The following RHOF variants were observed in gnomAD, a reference collection of about 807,000 sequenced individuals.
RHOF encodes rho-related GTP-binding protein RhoF.
Under a neutral mutation model 22.2 loss-of-function variants are expected in RHOF, and 21 were observed. The observed-to-expected ratio is 0.95, with a 90% CI of 0.67 to 1.36. RHOF has a LOEUF of 1.36. Among genes scored for constraint, RHOF ranks in the 40% most tolerant of loss-of-function variants. RHOF has a pLI of 0.00. For missense variants in RHOF, 285 were observed against 293.7 expected (o/e 0.97, Z 0.22); for synonymous variants, 135 against 131.2 (o/e 1.03, Z -0.20).
chr12:121,792,142 C>A (rs1874781779), intron 2 of RHOF, among the ~76,000 whole-genome samples: 1 of 133,110 alleles, frequency 7.5e-6, no homozygotes, highest in Admixed American at 7.0e-5. Context: ...CGGGTCCTCT[C>A]CAAGGTCTAG....
chr12:121,787,592 C>T (rs1874639665), intron 2 of RHOF, among the ~76,000 whole-genome samples: 1 of 152,182 alleles, frequency 6.6e-6, no homozygotes, highest in African/African-American at 2.4e-5. Flanking sequence ...TATCGACTCT[C>T]TTTCTCTCAT....
chr12:121,782,825 A>G (rs73413728), intron 2 of RHOF: 30,621 of 152,206 alleles, frequency 0.2, 3,499 homozygotes, highest in African/African-American at 0.31. Context: ...TGACTTAGAC[A>G]GGACAGTGGT....
At chr12:121,787,023 G>A (rs1448673386) in intron 2 of RHOF, among the ~76,000 whole-genome samples, 1 of 152,148 alleles carries the variant, frequency 6.6e-6, no homozygotes, top group Non-Finnish European at 1.5e-5. Flanking sequence ...GAGGAACACA[G>A]CGAGACTCTG....
rs751392749 is a variant in RHOF, at chr12:121,781,064, C to G, written c.336+19G>C. The G allele has an allele frequency of 1.2e-6, 2 of 1,613,962 alleles. No homozygotes were observed. Among genetic ancestry groups the G allele is most frequent in the Admixed American group, 3.3e-5 (2 of 60,028 alleles). ...GCCGGGCCCAGATGTGGGGCCACCA[C>G]CCAGGAGGCCGGCCTCACCTTGATG... On this transcript the variant is annotated intron_variant, in intron 3 of 4. Transcript: ENST00000267205.
intron 2 of RHOF, among the ~76,000 whole-genome samples, chr12:121,791,559 G>A (rs1384959587): frequency 2.0e-5 from 3 of 152,224 alleles, no homozygotes; most frequent in South Asian, 2.1e-4. Context: ...CTGTAGCAGG[G>A]GATGCTCCTC....
rs763578268 is a variant in RHOF, at chr12:121,781,078, C to G, written c.336+5G>C. On this transcript the variant is annotated splice_donor_5th_base_variant and intron_variant, in intron 3 of 4. Coordinates refer to ENST00000267205, the MANE Select transcript of RHOF (RefSeq NM_019034.3). ...TGGGGCCACCACCCAGGAGGCCGGC[C>G]TCACCTTGATGAGGACGTTGTCGTA... The G allele has an allele frequency of 6.2e-7, 1 of 1,614,186 alleles. No homozygotes were observed. Among genetic ancestry groups the G allele is most frequent in the African/African-American group, 1.3e-5 (1 of 75,068 alleles).
At chr12:121,793,392 G>A (rs1422220494) in intron 1 of RHOF, 104 bp downstream of exon 1, 2 of 1,479,782 alleles carry the variant, frequency 1.4e-6, no homozygotes, top group Non-Finnish European at 1.8e-6. Context: ...CCGGGGTGGC[G>A]GCCGCCTGTC....
chr12:121,783,152 C>G (rs575014613), intron 2 of RHOF, among the ~76,000 whole-genome samples: 5 of 150,820 alleles, frequency 3.3e-5, no homozygotes, highest in African/African-American at 1.2e-4. Context: ...GGCCACCCCC[C>G]GCCCCTACAC....
In RHOF at chr12:121,793,254, G is replaced by A. The variant is rs1420938765; in HGVS notation, c.139-15C>T. 1.9e-6 allele frequency: 3 copies of A among 1,549,872 alleles called. No homozygotes were observed. The highest frequency in any genetic ancestry group is 2.0e-5 in the Admixed American group (1 of 51,008). ...GGGGCGTAGTGCTGCGGGAGAGGGG[G>A]TCGGGTTGGTCCTTAGTGGGGCCGG... is the stretch of plus-strand genomic sequence containing the variant. On this transcript the variant is annotated splice_polypyrimidine_tract_variant and intron_variant, in intron 1 of 4. Coordinates refer to ENST00000267205, the MANE Select transcript of RHOF (RefSeq NM_019034.3).
intron 2 of RHOF, among the ~76,000 whole-genome samples, chr12:121,789,787 C>G (rs1402691037): frequency 1.3e-5 from 2 of 152,174 alleles, no homozygotes; most frequent in Non-Finnish European, 2.9e-5. Context: ...CTTAGCAAAT[C>G]CTACTCCATT....
At chr12:121,789,768 G>T (rs1472483078) in intron 2 of RHOF, among the ~76,000 whole-genome samples, 1 of 152,166 alleles carries the variant, frequency 6.6e-6, no homozygotes, top group Admixed American at 6.5e-5. Context: ...TCTGTCCCTG[G>T]TTCCTTGTCT....
At chr12:121,789,412 G>C (rs906335109) in intron 2 of RHOF, among the ~76,000 whole-genome samples, 1 of 152,172 alleles carries the variant, frequency 6.6e-6, no homozygotes, top group Non-Finnish European at 1.5e-5. Context: ...CTATTTTCTT[G>C]GTGGGATGAG....
intron 1 of RHOF, 98 bp from the exon 2 acceptor site, chr12:121,793,337 GC>G (rs553640548): frequency 1.8e-5 from 26 of 1,434,264 alleles, no homozygotes; most frequent in Admixed American, 4.0e-5. Flanking sequence ...TCCCGGATCA[GC>G]CCCCCCTCAC....
chr12:121,779,520 C>T lies in RHOF; in HGVS notation c.614G>A (p.Arg205His), dbSNP rs930883517. 6 of 1,612,732 alleles carry T rather than the reference C, an allele frequency of 3.7e-6. No individual in the cohort carries two copies. The highest frequency in any genetic ancestry group is 1.1e-5 in the South Asian group (1 of 91,092). Residue 205 changes from arginine to histidine, a missense_variant, in exon 5 of 5, where the codon CGC becomes CAC. By Grantham distance (29) the Arg-to-His change is conservative. Transcript: ENST00000267205. ...GGGTCAGAGCAGCAGGCAGAGCCGG[C>T]GCTTCTTCTGCCGTTGCGCCTTCTT... is the stretch of plus-strand genomic sequence containing the variant. ...ALKKAQRQKK[R>H]RLCLLL is the part of the protein sequence containing the mutation.
rs530694396 is a variant in RHOF, at chr12:121,793,436, C to T, written c.138+60G>A. 1.3e-5 allele frequency: 20 copies of T among 1,529,486 alleles called. No individual in the cohort carries two copies. In the South Asian group the frequency reaches 1.8e-4, roughly 14 times the overall value. 94.7% of individuals were successfully genotyped at this position (1,529,486 alleles called of 1,614,324 possible). ...GGACGCTGGGGACTGAGGGTCGGGG[C>T]TCTGGGCTCAGGGTAAGGGGCGTCC... On this transcript the variant is annotated intron_variant, in intron 1 of 4. Transcript: ENST00000267205.
rs536641531 is a variant in RHOF, at chr12:121,779,220, G to A, written c.*278C>T. 3.0e-5 allele frequency: 15 copies of A among 492,950 alleles called. No individual in the cohort carries two copies. The highest frequency in any genetic ancestry group is 1.8e-4 in the South Asian group (7 of 39,250). 30.5% of individuals were successfully genotyped at this position (492,950 alleles called of 1,614,324 possible). A position where few individuals can be genotyped will look rare whatever the true frequency, so the allele number is the denominator to read the frequency against. On this transcript the variant is annotated 3_prime_UTR_variant, in exon 5 of 5. Transcript: ENST00000267205. Reference sequence around the variant, plus strand: ...TTGAGTCTGCACTGGGGAGACACTCGTGGTGGGGGTGGCTGTGATGAGGGC... The same window carrying A: ...TTGAGTCTGCACTGGGGAGACACTCATGGTGGGGGTGGCTGTGATGAGGGC...
intron 2 of RHOF, among the ~76,000 whole-genome samples, chr12:121,787,007 C>T (rs1221777739): frequency 1.3e-5 from 2 of 152,168 alleles, no homozygotes; most frequent in Non-Finnish European, 2.9e-5. Context: ...CATTTCACTA[C>T]AGCCTGAGGA....
At chr12:121,785,789 C>T (rs938527020) in intron 2 of RHOF, among the ~76,000 whole-genome samples, 18 of 151,600 alleles carry the variant, frequency 1.2e-4, no homozygotes, top group African/African-American at 4.1e-4. Context: ...ATTTTTTGTA[C>T]TTTTAGTAGA....
chr12:121,791,510 G>A (rs988405535), intron 2 of RHOF, among the ~76,000 whole-genome samples: 1 of 152,174 alleles, frequency 6.6e-6, no homozygotes, highest in African/African-American at 2.4e-5. Context: ...GACCATGGAT[G>A]GGATCCCCAT....
Sources: allele counts gnomAD v4.1 joint callset (sites outside exome capture counted in the v4.1 genomes callset), GRCh38; gene constraint gnomAD v4.1.1; transcripts MANE v1.5; gene names NCBI Gene and HGNC (gene_info 2026-07-23, HGNC 2026-07-21).